Variants in ZNF823 observed in about 807,000 individuals in gnomAD.
The protein encoded by ZNF823 is zinc finger protein 823.
ZNF823 carries 5 observed loss-of-function variants against 11.4 expected under a neutral mutation model. The ratio of observed to expected loss-of-function variants is 0.44; its 90% CI spans 0.23 to 0.92. The LOEUF (loss-of-function observed/expected upper bound fraction) is 0.92, where lower values mean the gene tolerates loss of function less well. Ranked by LOEUF, ZNF823 falls within the 40% of genes least tolerant of loss-of-function variation. The probability of loss-of-function intolerance (pLI) is 0.24; values close to 1 mark genes in which losing one functional copy is unlikely to be tolerated. For synonymous variants in ZNF823, 234 were observed against 250.5 expected (o/e 0.93, Z 0.62); for missense variants, 582 against 738.5 (o/e 0.79, Z 2.46).
At chr19:11,736,441 C>T (rs57164304) in intron 1 of ZNF823, among the ~76,000 whole-genome samples, 22,486 of 152,212 alleles carry the variant, frequency 0.15, 1,851 homozygotes, top group Middle Eastern at 0.24. Flanking sequence ...ATTGCTTGAA[C>T]CCAGGAGGTT....
In ZNF823 at chr19:11,726,805, T is replaced by C. The variant is rs1343308955; in HGVS notation, c.4-1478A>G. 2.0e-5 allele frequency among the ~76,000 whole-genome samples: 3 copies of C among 152,288 alleles called. No individual in the cohort carries two copies. In the East Asian group the frequency reaches 5.8e-4, roughly 29 times the overall value. ...GTAACAAAAACCAGACTAAGACAGT[T>C]ATGAAGAAACACTCTGGACACTGGA... On this transcript the variant is annotated intron_variant, in intron 1 of 3. Transcript: ENST00000341191.
At chr19:11,728,238 T>C (rs1303835993) in intron 1 of ZNF823, among the ~76,000 whole-genome samples, 1 of 152,178 alleles carries the variant, frequency 6.6e-6, no homozygotes, top group East Asian at 1.9e-4. Context: ...TGGCAAGAAC[T>C]GCTTCAAAAT....
Position 11,723,320 on chromosome 19 carries a change from C to A in ZNF823, c.214G>T (p.Asp72Tyr). 3.1e-6 allele frequency: 5 copies of A among 1,610,390 alleles called. No homozygotes were observed. The highest frequency in any genetic ancestry group is 4.2e-6 in the Non-Finnish European group (5 of 1,178,040). ...AAAGTTTCTCCACATTGACTGTCATCTTTAATTTCACATGTATGACTTCTG... is the reference window on the plus strand; with the variant it reads ...AAAGTTTCTCCACATTGACTGTCATATTTAATTTCACATGTATGACTTCTG... ...NLRSHTCEIK[D>Y]DSQCGETFGQ... The change falls in exon 4 of 4, where the codon GAT (aspartate) becomes TAT (tyrosine). Residue 72 changes from aspartate to tyrosine, a missense_variant. Physicochemically the swap from Asp to Tyr is radical, Grantham distance 160. This residue lies in a region of ZNF823 where 429 missense variants were observed against 553.7 expected (regional missense o/e 0.77). Transcript: ENST00000341191.
At position 11,738,912 on chromosome 19, in the gene ZNF823, C is replaced by T. The variant is rs1975047198; in HGVS notation, c.-93G>A. On this transcript the variant is annotated 5_prime_UTR_variant, in exon 1 of 4. Transcript: ENST00000341191. Reference sequence around the variant, plus strand: ...GATACAGACCTTCCAGGGCGTCTCTCTCTCAGCGCCAGAGCCAGGACTCAG... The same window carrying T: ...GATACAGACCTTCCAGGGCGTCTCTTTCTCAGCGCCAGAGCCAGGACTCAG... The T allele has an allele frequency of 2.7e-6, 4 of 1,487,294 alleles. No individual in the cohort carries two copies. Among genetic ancestry groups the T allele is most frequent in the Non-Finnish European group, 3.6e-6 (4 of 1,109,522 alleles). The allele number at this position is 1,487,294 out of a possible 1,614,324, so 92.1% of individuals were successfully genotyped here.
At chr19:11,736,856 C>A (rs1212662775) in intron 1 of ZNF823, among the ~76,000 whole-genome samples, 1 of 152,138 alleles carries the variant, frequency 6.6e-6, no homozygotes, top group Non-Finnish European at 1.5e-5. Flanking sequence ...CCCTCAATAC[C>A]GCCAACCAGC....
chr19:11,732,367 G>A (rs1974914456), intron 1 of ZNF823, among the ~76,000 whole-genome samples: 1 of 151,848 alleles, frequency 6.6e-6, no homozygotes. Flanking sequence ...GGGTTTCACC[G>A]TGTTAGCCAG....
chr19:11,729,991 T>C (rs1974863981), intron 1 of ZNF823, among the ~76,000 whole-genome samples: 1 of 151,524 alleles, frequency 6.6e-6, no homozygotes, highest in Non-Finnish European at 1.5e-5. Flanking sequence ...TGCAATGGCA[T>C]GATCTTGGCT....
At chr19:11,733,866 G>C (rs2145220227) in intron 1 of ZNF823, among the ~76,000 whole-genome samples, 1 of 152,232 alleles carries the variant, frequency 6.6e-6, no homozygotes. Context: ...CAAACACAGT[G>C]AATGTAAAAC....
At chr19:11,731,110 C>T (rs759099097) in intron 1 of ZNF823, among the ~76,000 whole-genome samples, 20 of 151,294 alleles carry the variant, frequency 1.3e-4, no homozygotes, top group Middle Eastern at 3.4e-3. Context: ...GTCGGGAGTT[C>T]GAGACCAGCC....
At chr19:11,729,187 A>C (rs1203254839) in intron 1 of ZNF823, among the ~76,000 whole-genome samples, 2 of 151,544 alleles carry the variant, frequency 1.3e-5, no homozygotes, top group Non-Finnish European at 2.9e-5. Context: ...AAAAAAAAAA[A>C]ACAACAAATA....
At chr19:11,726,579 G>A (rs1974796862) in intron 1 of ZNF823, among the ~76,000 whole-genome samples, 1 of 151,978 alleles carries the variant, frequency 6.6e-6, no homozygotes, top group Admixed American at 6.6e-5. Context: ...CTTAAGAGAC[G>A]AGGAAGAGAC....
intron 1 of ZNF823, among the ~76,000 whole-genome samples, chr19:11,727,368 T>C (rs1480423306): frequency 1.3e-5 from 2 of 151,602 alleles, no homozygotes; most frequent in African/African-American, 2.4e-5. Flanking sequence ...AAAAATTAGC[T>C]GGGTGTGGTG....
At position 11,738,117 on chromosome 19, in the gene ZNF823, G is replaced by A. The variant is rs544123100; in HGVS notation, c.3+700C>T. On this transcript the variant is annotated intron_variant, in intron 1 of 3. Coordinates refer to ENST00000341191, the MANE Select transcript of ZNF823 (RefSeq NM_001080493.4). Reference sequence around the variant, plus strand: ...GGTGCCCTCAGCCCCGCTGCCTCACGGGGCCGCCTCCCTGAGAGTCAGGTC... The same window carrying A: ...GGTGCCCTCAGCCCCGCTGCCTCACAGGGCCGCCTCCCTGAGAGTCAGGTC... 3.9e-5 allele frequency among the ~76,000 whole-genome samples: 6 copies of A among 152,286 alleles called. No homozygotes were observed. The East Asian group carries it at 1.2e-3, about 29-fold the overall frequency.
At chr19:11,726,308 A>ATATATATATATATATATAT (rs201583355) in intron 1 of ZNF823, among the ~76,000 whole-genome samples, 3 of 140,722 alleles carry the variant, frequency 2.1e-5, no homozygotes, top group Non-Finnish European at 4.6e-5. Flanking sequence ...ATATATATAT[A>ATATATATATATATATATAT]AATTTTTTTT....
chr19:11,738,921 C>T lies in ZNF823; in HGVS notation c.-102G>A, dbSNP rs72986630. ...CTTCCAGGGCGTCTCTCTCTCAGCG[C>T]CAGAGCCAGGACTCAGAGCGCAGGG... On this transcript the variant is annotated 5_prime_UTR_variant, in exon 1 of 4. Coordinates refer to ENST00000341191, the MANE Select transcript of ZNF823 (RefSeq NM_001080493.4). The T allele has an allele frequency of 0.059, 85,222 of 1,452,432 alleles. 2,770 individuals are homozygous for T. Among genetic ancestry groups the T allele is most frequent in the Middle Eastern group, 0.093 (512 of 5,502 alleles). The allele number at this position is 1,452,432 out of a possible 1,614,324, so 90.0% of individuals were successfully genotyped here. A position where few individuals can be genotyped will look rare whatever the true frequency, so the allele number is the denominator to read the frequency against.
At chr19:11,724,035 G>A (rs1974744932) in intron 3 of ZNF823, among the ~76,000 whole-genome samples, 159 bp downstream of exon 3, 2 of 152,188 alleles carry the variant, frequency 1.3e-5, no homozygotes, top group African/African-American at 4.8e-5. Context: ...AAAGTGCTGG[G>A]ATTACATGTG....
At chr19:11,737,489 C>G (rs900711534) in intron 1 of ZNF823, among the ~76,000 whole-genome samples, 1 of 151,576 alleles carries the variant, frequency 6.6e-6, no homozygotes, top group South Asian at 2.1e-4. Context: ...CTCGAACTCC[C>G]GACCTCAGGT....
chr19:11,737,887 A>C (rs1348709023), intron 1 of ZNF823, among the ~76,000 whole-genome samples: 1 of 151,900 alleles, frequency 6.6e-6, no homozygotes, highest in Non-Finnish European at 1.5e-5. Context: ...TCTTTGGAAG[A>C]CTCGGAGGGA....
At position 11,721,690 on chromosome 19, in the gene ZNF823, A is replaced by G. The variant is rs1476633803; in HGVS notation, c.*11T>C. ...ATTAAAGTACTGAATGTTTTCCCACATTCCATACATTTAGAGAGTATCTTT... is the reference window on the plus strand; with the variant it reads ...ATTAAAGTACTGAATGTTTTCCCACGTTCCATACATTTAGAGAGTATCTTT... On this transcript the variant is annotated 3_prime_UTR_variant, in exon 4 of 4. Coordinates refer to ENST00000341191, the MANE Select transcript of ZNF823 (RefSeq NM_001080493.4). 2.5e-6 allele frequency: 4 copies of G among 1,583,710 alleles called. No individual in the cohort carries two copies. The highest frequency in any genetic ancestry group is 1.4e-5 in the African/African-American group (1 of 73,582).
Sources: allele counts gnomAD v4.1 joint callset (sites outside exome capture counted in the v4.1 genomes callset), GRCh38; gene constraint gnomAD v4.1.1; regional missense constraint gnomAD v4.1.1; transcripts MANE v1.5; gene names NCBI Gene and HGNC (gene_info 2026-07-23, HGNC 2026-07-21).